Variants in PAH observed in about 807,000 individuals in gnomAD.
PAH encodes the protein phenylalanine-4-hydroxylase.
Under a neutral mutation model 62.0 loss-of-function variants are expected in PAH, and 64 were observed. The observed-to-expected ratio is 1.03, with a 90% CI of 0.84 to 1.27. PAH has a LOEUF of 1.27. Among genes scored for constraint, PAH ranks in the 50% most tolerant of loss-of-function variants. The pLI, the probability that PAH is intolerant of heterozygous loss-of-function variation, is 0.00. For synonymous variants in PAH, 195 were observed against 196.2 expected (o/e 0.99, Z 0.05); for missense variants, 579 against 542.8 (o/e 1.07, Z -0.66).
intron 5 of PAH, among the ~76,000 whole-genome samples, chr12:102,861,059 G>A (rs1294209786): frequency 6.6e-6 from 1 of 152,116 alleles, no homozygotes; most frequent in Non-Finnish European, 1.5e-5. Flanking sequence ...CTGACAGAAT[G>A]GGAGAAAATT....
In PAH at chr12:102,844,432, C is replaced by T. The variant is rs202183605; in HGVS notation, c.970-1G>A. On this transcript the variant is annotated splice_acceptor_variant, in intron 9 of 12. Transcript: ENST00000553106. LOFTEE classifies it high-confidence loss of function. ...CAAACTCCACAGTAAACCAGTAAAT[C>T]TGGAATGGAAAGTCAATCTGAGAGC... The T allele has an allele frequency of 6.2e-7, 1 of 1,607,276 alleles. No homozygotes were observed. Among genetic ancestry groups the T allele is most frequent in the African/African-American group, 1.3e-5 (1 of 74,760 alleles).
At chr12:102,882,787 G>C (rs987117265) in intron 3 of PAH, among the ~76,000 whole-genome samples, 3 of 151,748 alleles carry the variant, frequency 2.0e-5, no homozygotes, top group Admixed American at 2.0e-4. Context: ...ACTGGCAAGT[G>C]TCTTATCTCC....
At chr12:102,842,040 T>A (rs1417413130) in intron 11 of PAH, among the ~76,000 whole-genome samples, 1 of 152,230 alleles carries the variant, frequency 6.6e-6, no homozygotes, top group Admixed American at 6.5e-5. Flanking sequence ...GAGCCACTTC[T>A]CAGCAGAATG....
chr12:102,883,304 C>T (rs2136686963), intron 3 of PAH, among the ~76,000 whole-genome samples: 1 of 152,280 alleles, frequency 6.6e-6, no homozygotes, highest in African/African-American at 2.4e-5. Flanking sequence ...CTCCTCCCAC[C>T]AGAGAAACAA....
At chr12:102,942,789 AAAGCTGAC>A (rs1330810334) in intron 1 of PAH, among the ~76,000 whole-genome samples, 1 of 152,182 alleles carries the variant, frequency 6.6e-6, no homozygotes, top group East Asian at 1.9e-4. Context: ...GATTTTCAAC[AAAGCTGAC>A]AATCATAAGC....
chr12:102,906,044 C>T (rs765799762), intron 2 of PAH, among the ~76,000 whole-genome samples: 27 of 151,752 alleles, frequency 1.8e-4, no homozygotes, highest in Non-Finnish European at 3.4e-4. Context: ...GGCACATTTG[C>T]CACAAAAAAT....
At chr12:102,883,278 A>C (rs930541998) in intron 3 of PAH, among the ~76,000 whole-genome samples, 1 of 152,192 alleles carries the variant, frequency 6.6e-6, no homozygotes, top group African/African-American at 2.4e-5. Context: ...CCAAATGCAC[A>C]GCCTCATTTT....
chr12:102,852,693 GCAAA>G, intron 7 of PAH, 118 bp downstream of exon 7: 1 of 1,220,270 alleles, frequency 8.2e-7, no homozygotes, highest in Non-Finnish European at 1.2e-6. Context: ...AGTACTACCA[GCAAA>G]CAGTCTAGAC....
chr12:102,853,088 T>C, intron 6 of PAH, 138 bp from the exon 7 acceptor site: 1 of 894,050 alleles, frequency 1.1e-6, no homozygotes. Context: ...TGGCTTCAGA[T>C]GTCTGCCTCG....
At chr12:102,894,114 T>C (rs548964359) in intron 3 of PAH, among the ~76,000 whole-genome samples, 3 of 152,344 alleles carry the variant, frequency 2.0e-5, no homozygotes, top group Admixed American at 1.3e-4. Flanking sequence ...CTTGAGTTGA[T>C]TTTTGTATAT....
At chr12:102,900,270 T>A (rs547662092) in intron 2 of PAH, among the ~76,000 whole-genome samples, 2 of 152,098 alleles carry the variant, frequency 1.3e-5, no homozygotes, top group African/African-American at 2.4e-5. Flanking sequence ...AGGATGGTCT[T>A]GATCTCCTGA....
intron 2 of PAH, among the ~76,000 whole-genome samples, chr12:102,897,291 A>AG (rs140018526): frequency 0.1 from 15,833 of 150,932 alleles, 982 homozygotes; most frequent in Non-Finnish European, 0.14. Flanking sequence ...CTCATTGTTC[A>AG]ATTTTTTATT....
chr12:102,950,888 T>G (rs1159377174), upstream of PAH: 2 of 151,744 alleles, frequency 1.3e-5, no homozygotes, highest in Non-Finnish European at 2.9e-5. Context: ...CACCCAGGGG[T>G]TTTGTGACGT....
chr12:102,955,799 C>T (rs1399192629), upstream of PAH, among the ~76,000 whole-genome samples: 3 of 152,238 alleles, frequency 2.0e-5, no homozygotes, highest in East Asian at 3.9e-4. Flanking sequence ...AGGTGTGAAT[C>T]CCACGGGGTT....
intron 2 of PAH, among the ~76,000 whole-genome samples, chr12:102,907,296 TG>T (rs1392371023): frequency 1.3e-5 from 2 of 151,928 alleles, no homozygotes; most frequent in Non-Finnish European, 2.9e-5. Flanking sequence ...AACTCCAGAG[TG>T]ATTCAGATGT....
At chr12:102,951,557 T>C (rs1440130327), upstream of PAH, among the ~76,000 whole-genome samples, 4 of 152,170 alleles carry the variant, frequency 2.6e-5, no homozygotes, top group East Asian at 7.7e-4. Flanking sequence ...GGTTGGGAAT[T>C]GGGCTGAGTA....
chr12:102,897,661 A>G (rs924793680), intron 2 of PAH, among the ~76,000 whole-genome samples: 12 of 152,172 alleles, frequency 7.9e-5, no homozygotes, highest in Non-Finnish European at 1.6e-4. Flanking sequence ...CTTCTTTCTC[A>G]AAGGCAATAA....
intron 2 of PAH, among the ~76,000 whole-genome samples, chr12:102,899,162 C>A (rs1309074980): frequency 6.6e-6 from 1 of 152,160 alleles, no homozygotes; most frequent in Non-Finnish European, 1.5e-5. Context: ...TACTATTTAC[C>A]TAAGATGAAA....
chr12:102,855,376 C>T, intron 5 of PAH, 44 bp from the exon 6 acceptor site: 1 of 1,551,672 alleles, frequency 6.4e-7, no homozygotes, highest in Non-Finnish European at 8.9e-7. Context: ...AGGGCAGGGG[C>T]ACAGCAGAAC....
Sources: allele counts gnomAD v4.1 joint callset (sites outside exome capture counted in the v4.1 genomes callset), GRCh38; gene constraint gnomAD v4.1.1; transcripts MANE v1.5; gene names NCBI Gene and HGNC (gene_info 2026-07-23, HGNC 2026-07-21).